VWF: variants seen among roughly 807,000 people sequenced by gnomAD.
VWF encodes the protein Factor VIII related antigen.
VWF carries 176 observed loss-of-function variants against 308.6 expected under a neutral mutation model. The ratio of observed to expected loss-of-function variants is 0.57; its 90% CI spans 0.50 to 0.65. The LOEUF is 0.65. Among genes scored for constraint, VWF ranks in the 30% least tolerant of loss-of-function variants. The pLI is 0.00. For missense variants in VWF, 3,146 were observed against 3,648.2 expected (o/e 0.86, Z 3.55); for synonymous variants, 1,385 against 1,443.4 (o/e 0.96, Z 0.92).
chr12:6,049,724 G>A (rs1334673196), intron 16 of VWF, among the ~76,000 whole-genome samples: 2 of 152,214 alleles, frequency 1.3e-5, no homozygotes, highest in Non-Finnish European at 2.9e-5. Context: ...GTCCCAGAGA[G>A]AAACTCCTGG....
intron 47 of VWF, among the ~76,000 whole-genome samples, chr12:5,963,560 A>G (rs1251663572): frequency 1.3e-5 from 2 of 152,242 alleles, no homozygotes; most frequent in Non-Finnish European, 2.9e-5. Flanking sequence ...CCTGAGAAGC[A>G]TGGTAAGTTG....
At chr12:5,989,545 T>C (rs535110886) in intron 38 of VWF, among the ~76,000 whole-genome samples, 1 of 152,376 alleles carries the variant, frequency 6.6e-6, no homozygotes, top group East Asian at 1.9e-4. Context: ...ATTAACTAAT[T>C]TTATTTTACC....
intron 5 of VWF, among the ~76,000 whole-genome samples, chr12:6,101,740 A>G (rs1945164767): frequency 6.6e-6 from 1 of 152,068 alleles, no homozygotes; most frequent in East Asian, 1.9e-4. Flanking sequence ...ACGCCGCTGC[A>G]CTCCAGCCTA....
chr12:6,108,334 T>TATACACAC (rs374693235), intron 5 of VWF, among the ~76,000 whole-genome samples: 2,185 of 124,148 alleles, frequency 0.018, 21 homozygotes, highest in East Asian at 0.024. Flanking sequence ...AAGAAATATA[T>TATACACAC]ACACACACAC....
chr12:5,963,711 T>G (rs913104056), intron 47 of VWF, among the ~76,000 whole-genome samples: 3 of 152,210 alleles, frequency 2.0e-5, no homozygotes, highest in African/African-American at 7.2e-5. Flanking sequence ...GGTCTCGCTC[T>G]GTCACCCAGG....
intron 6 of VWF, among the ~76,000 whole-genome samples, chr12:6,090,186 T>C (rs575934142): frequency 3.3e-5 from 5 of 152,246 alleles, no homozygotes; most frequent in South Asian, 4.1e-4. Flanking sequence ...CTCAATCTCC[T>C]GACCTCGTGA....
chr12:5,967,391 G>A, intron 47 of VWF, 95 bp downstream of exon 47: 1 of 1,005,846 alleles, frequency 9.9e-7, no homozygotes, highest in Non-Finnish European at 1.6e-6. Flanking sequence ...AAAATAATGA[G>A]AGATTTATTT....
At position 6,058,550 on chromosome 12, in the gene VWF, T is replaced by A. The variant is rs1848964526; in HGVS notation, c.1534-506A>T. Among the ~76,000 whole-genome samples, 1 of 151,960 alleles carries A rather than the reference T, an allele frequency of 6.6e-6. No individual in the cohort carries two copies. ...GGGCCCAGCAGGCTGCCAGGTGTGGTCCAAGCCCTCCGGGAGCTCACGGTT... is the reference window on the plus strand; with the variant it reads ...GGGCCCAGCAGGCTGCCAGGTGTGGACCAAGCCCTCCGGGAGCTCACGGTT... On this transcript the variant is annotated intron_variant, in intron 13 of 51. Transcript: ENST00000261405. This position sits in a 1 kb window ranked among gnomAD's most constrained non-coding sequence, Gnocchi z 4.9.
Position 6,004,401 on chromosome 12 carries a change from CA to C in VWF, c.5842+7215del, listed in dbSNP as rs1943905005. On this transcript the variant is annotated intron_variant, in intron 34 of 51. Coordinates refer to ENST00000261405, the MANE Select transcript of VWF (RefSeq NM_000552.5). ...CAATCACTCTTGACAAAAAAACACT[CA>C]AAAATGAGAATTGAGGGATACTTTC... Among the ~76,000 whole-genome samples, 3 of 152,000 alleles carry C rather than the reference CA, an allele frequency of 2.0e-5. No individual in the cohort carries two copies. In the South Asian group the frequency reaches 6.2e-4, roughly 32 times the overall value.
intron 31 of VWF, among the ~76,000 whole-genome samples, chr12:6,014,710 G>A (rs1944037928): frequency 6.6e-6 from 1 of 152,164 alleles, no homozygotes; most frequent in Non-Finnish European, 1.5e-5. Context: ...TGAGGCTGGA[G>A]ATACGAATTT....
chr12:5,982,069 A>G, intron 41 of VWF, 78 bp from the exon 42 acceptor site: 2 of 1,396,248 alleles, frequency 1.4e-6, no homozygotes, highest in South Asian at 2.4e-5. Flanking sequence ...ATAGGGTGCC[A>G]GGGAGCTTTA....
rs552665751 is a variant in VWF, at chr12:6,077,435, G to A, written c.658-1884C>T. On this transcript the variant is annotated intron_variant, in intron 6 of 51. Transcript: ENST00000261405. ...GCCATCAGCTGCTCTGCGTCTCGGG[G>A]CCAACAGCAGCCCCTCCACGGCCCT... is the stretch of plus-strand genomic sequence containing the variant. Among the ~76,000 whole-genome samples the A allele has an allele frequency of 1.5e-4, 23 of 152,330 alleles. No individual in the cohort carries two copies. The East Asian group carries it at 4.1e-3, about 27-fold the overall frequency.
chr12:6,032,405 T>C (rs28464116), intron 20 of VWF, among the ~76,000 whole-genome samples: 32,908 of 144,162 alleles, frequency 0.23, 4,330 homozygotes, highest in Non-Finnish European at 0.25. Flanking sequence ...TTTGGGAGGC[T>C]GAGGCGGGCG....
intron 6 of VWF, among the ~76,000 whole-genome samples, chr12:6,077,166 G>A (rs563438912): frequency 5.3e-5 from 8 of 152,316 alleles, no homozygotes; most frequent in Admixed American, 3.9e-4. Flanking sequence ...AAAACTTAGT[G>A]GGGCGTGGTG....
At chr12:6,059,046 C>T (rs968791427) in intron 13 of VWF, among the ~76,000 whole-genome samples, 60 of 152,300 alleles carry the variant, frequency 3.9e-4, no homozygotes, top group African/African-American at 1.4e-3. Context: ...TTTTCAGCTT[C>T]CAGCTCCAAC....
chr12:6,090,510 G>T (rs1036899507), intron 6 of VWF, among the ~76,000 whole-genome samples: 7 of 152,176 alleles, frequency 4.6e-5, no homozygotes, highest in Non-Finnish European at 2.9e-5. Flanking sequence ...GCGTGTGCTT[G>T]TCCTGCTTCT....
chr12:6,071,998 G>T (rs77269827), intron 9 of VWF, among the ~76,000 whole-genome samples: 7,737 of 152,184 alleles, frequency 0.051, 645 homozygotes, highest in African/African-American at 0.17. Flanking sequence ...AAGGACCTAC[G>T]TACTGCTTAG....
chr12:6,087,282 G>GAGGGA (rs1944982982), intron 6 of VWF, among the ~76,000 whole-genome samples: 1 of 151,960 alleles, frequency 6.6e-6, no homozygotes, highest in South Asian at 2.1e-4. Flanking sequence ...GGGAGTAAAG[G>GAGGGA]AGGGCTGCCT....
At chr12:6,054,409 G>A (rs541150275) in intron 15 of VWF, among the ~76,000 whole-genome samples, 2 of 152,326 alleles carry the variant, frequency 1.3e-5, no homozygotes, top group South Asian at 4.1e-4. Flanking sequence ...ACAATGACAA[G>A]GGCACATTTT....
Sources: gnomAD v4.1 joint callset for allele counts (sites outside exome capture counted in the v4.1 genomes callset) on GRCh38, gnomAD v4.1.1 for gene constraint, Gnocchi (gnomAD v3.1) non-coding constraint, MANE v1.5 for transcripts, NCBI Gene and HGNC (gene_info 2026-07-23, HGNC 2026-07-21) for gene names.